UBR4: variants seen among roughly 807,000 people sequenced by gnomAD.
The protein encoded by UBR4 is E3 ubiquitin-protein ligase UBR4.
UBR4 carries 124 observed loss-of-function variants against 575.6 expected under a neutral mutation model. The ratio of observed to expected loss-of-function variants is 0.22; its 90% confidence interval spans 0.19 to 0.25. UBR4 has a LOEUF of 0.25. Ranked by LOEUF, UBR4 falls within the 10% of genes least tolerant of loss-of-function variation. UBR4 has a pLI of 1.00. For synonymous variants in UBR4, 2,455 were observed against 2,473.7 expected (o/e 0.99, Z 0.22); for missense variants, 4,818 against 6,478.8 (o/e 0.74, Z 8.80).
intron 13 of UBR4, 54 bp downstream of exon 13, chr1:19,187,110 T>A: frequency 7.7e-7 from 1 of 1,297,160 alleles, no homozygotes. Context: ...ATATATATCA[T>A]ATATATAAAA....
intron 81 of UBR4, 105 bp downstream of exon 81, chr1:19,109,991 G>A (rs113259621): frequency 1.8e-5 from 27 of 1,539,304 alleles, no homozygotes; most frequent in African/African-American, 1.4e-4. Context: ...AGGGGAGGTG[G>A]GCTCAAGGCA....
rs764705642 is a variant in UBR4 at position 19,187,244 on chromosome 1, T to C, written c.1552A>G (p.Ile518Val). 39 of 1,613,936 alleles carry C rather than the reference T, an allele frequency of 2.4e-5. 1 individual carries two copies. The South Asian group carries it at 4.2e-4, about 17-fold the overall frequency. The change falls in exon 13 of 106, where the codon ATA becomes GTA. Residue 518 changes from isoleucine (I) to valine (V), a missense_variant. Physicochemically the swap from Ile to Val is conservative, Grantham distance 29. This residue lies in a region of UBR4 where 162 missense variants were observed against 216.4 expected (regional missense o/e 0.75). Transcript: ENST00000375254. ...ALSIMAQSTS[I>V]QRIQRLIDSV... Reference sequence around the variant, plus strand: ...TCAATCAGCCGTTGAATCCTCTGTATGGAGGTGCTCTGGGCCATAATGCTC... The same window carrying C: ...TCAATCAGCCGTTGAATCCTCTGTACGGAGGTGCTCTGGGCCATAATGCTC...
At position 19,099,546 on chromosome 1, in the gene UBR4, A is replaced by C. The variant is rs756529742; in HGVS notation, c.13302+51T>G. On this transcript the variant is annotated intron_variant, in intron 90 of 105. Coordinates refer to ENST00000375254, the MANE Select transcript of UBR4 (RefSeq NM_020765.3). ...ATGGCTCCTGCTGGTACAAGTCTGC[A>C]TAAGTCAGAAAAGTGAAACCACACC... 1.9e-6 allele frequency: 3 copies of C among 1,539,598 alleles called. No individual in the cohort carries two copies. In the South Asian group the frequency reaches 3.4e-5, roughly 17 times the overall value.
rs1295470222 is a variant in UBR4, at chr1:19,177,383, G to A, written c.2637+78C>T. 4 of 1,552,198 alleles carry A rather than the reference G, an allele frequency of 2.6e-6. No homozygotes were observed. In the African/African-American group the frequency reaches 5.5e-5, roughly 21 times the overall value. On this transcript the variant is annotated intron_variant, in intron 19 of 105. Transcript: ENST00000375254. ...AACCTAAAGTGGGTAGGTCATTTGGGCTGCGGATCATGGTAACCATTGAGA... is the reference window on the plus strand; with the variant it reads ...AACCTAAAGTGGGTAGGTCATTTGGACTGCGGATCATGGTAACCATTGAGA...
At chr1:19,151,046 C>T in intron 48 of UBR4, 1 of 538,396 alleles carries the variant, frequency 1.9e-6, no homozygotes, top group Non-Finnish European at 3.3e-6. Context: ...TGCAAGGGTC[C>T]TCTTCTGCTT....
intron 105 of UBR4, 45 bp from the exon 106 acceptor site, chr1:19,074,941 G>A: frequency 6.2e-7 from 1 of 1,601,328 alleles, no homozygotes; most frequent in Non-Finnish European, 8.5e-7. Flanking sequence ...CAGGCATACA[G>A]CCCCCATTCC....
chr1:19,192,233 C>G lies in UBR4; in HGVS notation c.1349G>C (p.Arg450Pro). Residue 450 changes from arginine to proline, a missense_variant, in exon 11 of 106, where the codon CGT becomes CCT. Coordinates refer to ENST00000375254, the MANE Select transcript of UBR4 (RefSeq NM_020765.3). Reference sequence around the variant, plus strand: ...AGGGGAGCCCACTCCCTCTTTAGTACGAGAAAGGATGTCTCTGACTCGGAG... The same window carrying G: ...AGGGGAGCCCACTCCCTCTTTAGTAGGAGAAAGGATGTCTCTGACTCGGAG... ...AALRVRDILS[R>P]TKEGVGSPKL... 4 of 1,614,000 alleles carry G rather than the reference C, an allele frequency of 2.5e-6. No homozygotes were observed. Among genetic ancestry groups the G allele is most frequent in the East Asian group, 2.2e-5 (1 of 44,900 alleles).
chr1:19,162,227 T>C (rs1055773349), intron 35 of UBR4, among the ~76,000 whole-genome samples, 193 bp downstream of exon 35: 13 of 152,222 alleles, frequency 8.5e-5, no homozygotes, highest in African/African-American at 2.9e-4. Context: ...AAAAAGCTTA[T>C]GAAAAAGTCC....
rs764951781 is a variant in UBR4, at chr1:19,113,823, T to C, written c.11333A>G (p.Asp3778Gly). 8 of 1,614,158 alleles carry C rather than the reference T, an allele frequency of 5.0e-6. No individual in the cohort carries two copies. The highest frequency in any genetic ancestry group is 5.9e-6 in the Non-Finnish European group (7 of 1,180,016). Residue 3778 changes from aspartate to glycine, a missense_variant, in exon 77 of 106, where the codon GAC becomes GGC. Transcript: ENST00000375254. Reference protein sequence around the residue: ...NEAAPEKPQDDSGTAGGISST... With the variant: ...NEAAPEKPQDGSGTAGGISST... ...GCTGATGCCCCCTGCTGTTCCTGAG[T>C]CATCCTGCAACCCCAAGAGGTAAGC...
chr1:19,171,009 G>T, intron 25 of UBR4, 126 bp from the exon 26 acceptor site: 2 of 1,292,418 alleles, frequency 1.5e-6, no homozygotes, highest in Non-Finnish European at 2.1e-6. Flanking sequence ...AGTTGATAGT[G>T]CCTGCCCCTT....
chr1:19,148,904 T>C (rs1009578540), intron 49 of UBR4, among the ~76,000 whole-genome samples: 1 of 152,178 alleles, frequency 6.6e-6, no homozygotes, highest in African/African-American at 2.4e-5. Context: ...TAAATGTGCT[T>C]CCTTCTGCTG....
chr1:19,192,546 C>T lies in UBR4; in HGVS notation c.1144-6G>A. On this transcript the variant is annotated splice_region_variant and splice_polypyrimidine_tract_variant and intron_variant, in intron 9 of 105. Coordinates refer to ENST00000375254, the MANE Select transcript of UBR4 (RefSeq NM_020765.3). ...ATCATGTCATAGATTTCGAGCTGTA[C>T]AATATCAAACAGACACAAAAATCTG... 6.2e-7 allele frequency: 1 copy of T among 1,614,078 alleles called. No homozygotes were observed. Among genetic ancestry groups the T allele is most frequent in the Non-Finnish European group, 8.5e-7 (1 of 1,180,006 alleles).
rs1294524652 is a variant in UBR4, at chr1:19,177,545, C to G, written c.2553G>C (p.Val851=). The change falls in exon 19 of 106, where the codon GTG becomes GTC. Residue 851 remains valine, a synonymous_variant. Transcript: ENST00000375254. ...SVNMDAQMRF[V]PLILARLLLI... is the part of the protein sequence containing the mutation. The stretch of plus-strand genomic sequence containing the variant: ...GAAGGAGGCGAGCCAAGATAAGCGG[C>G]ACGAAGCGCATCTGAGCATCCATGT... The G allele has an allele frequency of 6.2e-7, 1 of 1,613,876 alleles. No homozygotes were observed. The highest frequency in any genetic ancestry group is 8.5e-7 in the Non-Finnish European group (1 of 1,180,000).
At chr1:19,151,425 A>T in intron 48 of UBR4, 1 of 619,934 alleles carries the variant, frequency 1.6e-6, no homozygotes, top group South Asian at 2.0e-5. Context: ...TACTCAACAC[A>T]GTGCAGCCCT....
At chr1:19,128,433 G>T in intron 61 of UBR4, 115 bp from the exon 62 acceptor site, 1 of 887,854 alleles carries the variant, frequency 1.1e-6, no homozygotes, top group Non-Finnish European at 1.8e-6. Flanking sequence ...AATCATAACT[G>T]TAATCCATTA....
chr1:19,180,844 C>T (rs1460847137), intron 17 of UBR4, among the ~76,000 whole-genome samples: 4 of 152,088 alleles, frequency 2.6e-5, no homozygotes, highest in Non-Finnish European at 4.4e-5. Context: ...AGGTAACTGA[C>T]TCTCTAAGAA....
chr1:19,105,056 T>C lies in UBR4; in HGVS notation c.12637A>G (p.Ile4213Val), dbSNP rs773889701. The change falls in exon 85 of 106, where the codon ATC (isoleucine) becomes GTC (valine). Residue 4213 changes from isoleucine (I) to valine (V), a missense_variant. Physicochemically the swap from Ile to Val is conservative, Grantham distance 29. This residue lies in a region of UBR4 where 178 missense variants were observed against 175.5 expected (regional missense o/e 1.01). Transcript: ENST00000375254. ...RGVLPYVGNLITKEIARLLAL... is the reference protein window; with the variant it reads ...RGVLPYVGNLVTKEIARLLAL... ...GCAATAGGGTAGGATACCTTGGTGA[T>C]GAGGTTGCCCACATAGGGTAGGACT... The C allele has an allele frequency of 1.2e-6, 2 of 1,613,616 alleles. No individual in the cohort carries two copies. The highest frequency in any genetic ancestry group is 2.2e-5 in the East Asian group (1 of 44,884).
chr1:19,087,038 C>G (rs2077080512), intron 99 of UBR4, among the ~76,000 whole-genome samples: 1 of 152,256 alleles, frequency 6.6e-6, no homozygotes, highest in Non-Finnish European at 1.5e-5. Context: ...ATTATGGGAG[C>G]AACCAGCAAG....
At chr1:19,123,538 A>T (rs2081399696) in intron 65 of UBR4, among the ~76,000 whole-genome samples, 1 of 152,086 alleles carries the variant, frequency 6.6e-6, no homozygotes, top group South Asian at 2.1e-4. Context: ...AAACTTAAAT[A>T]TCCTTTAATG....
Sources: allele counts gnomAD v4.1 joint callset (sites outside exome capture counted in the v4.1 genomes callset), GRCh38; gene constraint gnomAD v4.1.1; regional missense constraint gnomAD v4.1.1; transcripts MANE v1.5; gene names NCBI Gene and HGNC (gene_info 2026-07-23, HGNC 2026-07-21).